Variants in SCMH1 observed in about 807,000 individuals in gnomAD.
SCMH1 encodes Scm polycomb group protein homolog 1, also known as polycomb protein SCMH1.
Under a neutral mutation model 70.8 loss-of-function variants are expected in SCMH1, and 37 were observed. The ratio of observed to expected loss-of-function variants is 0.52; its 90% CI spans 0.40 to 0.69. The LOEUF (loss-of-function observed/expected upper bound fraction) is 0.69, where lower values mean the gene tolerates loss of function less well. Ranked by LOEUF, SCMH1 falls within the 30% of genes least tolerant of loss-of-function variation. The pLI is 0.00. For synonymous variants in SCMH1, 292 were observed against 307.4 expected (o/e 0.95, Z 0.52); for missense variants, 607 against 827.3 (o/e 0.73, Z 3.27).
chr1:41,068,025 G>A (rs983081203), intron 10 of SCMH1, among the ~76,000 whole-genome samples: 3 of 152,176 alleles, frequency 2.0e-5, no homozygotes, highest in Non-Finnish European at 2.9e-5. Context: ...TGATAAACAA[G>A]ATGCAAATCT....
chr1:41,121,188 ACACTGCCTGG>A (rs3835473), intron 6 of SCMH1, among the ~76,000 whole-genome samples: 11,861 of 152,262 alleles, frequency 0.078, 588 homozygotes, highest in South Asian at 0.13. Context: ...AGGACTTAAA[ACACTGCCTGG>A]CATACAGGCA....
At chr1:41,169,896 AC>A (rs1378044250) in intron 2 of SCMH1, among the ~76,000 whole-genome samples, 11 of 151,094 alleles carry the variant, frequency 7.3e-5, no homozygotes, top group Admixed American at 2.0e-4. Flanking sequence ...TAGGATGTAG[AC>A]CCTCGGTGGA....
At chr1:41,186,152 C>A in exon 2 of SCMH1, 1 of 1,425,924 alleles carries the variant, frequency 7.0e-7, no homozygotes, top group Non-Finnish European at 9.7e-7. Flanking sequence ...GACTAAAAAC[C>A]GGTCTAGGGG....
intron 1 of SCMH1, among the ~76,000 whole-genome samples, chr1:41,200,172 C>T (rs915680939): frequency 6.6e-5 from 10 of 152,068 alleles, no homozygotes; most frequent in Non-Finnish European, 2.9e-5. Flanking sequence ...GGAAACCTCA[C>T]AATTCTATAA....
chr1:41,182,754 A>G (rs536115533), intron 2 of SCMH1, among the ~76,000 whole-genome samples: 5 of 152,174 alleles, frequency 3.3e-5, no homozygotes, highest in African/African-American at 9.6e-5. Flanking sequence ...TGAAAAAGGA[A>G]CTTCTAGGAA....
At chr1:41,154,002 C>G (rs998509890) in intron 4 of SCMH1, among the ~76,000 whole-genome samples, 4 of 152,204 alleles carry the variant, frequency 2.6e-5, no homozygotes, top group African/African-American at 9.7e-5. Context: ...CATAGCTACT[C>G]AGCTCCACCA....
intron 1 of SCMH1, among the ~76,000 whole-genome samples, chr1:41,210,649 A>G (rs929590112): frequency 1.1e-4 from 17 of 152,202 alleles, no homozygotes; most frequent in African/African-American, 3.9e-4. Flanking sequence ...GAAACTGGCT[A>G]GCCATATGCA....
intron 6 of SCMH1, among the ~76,000 whole-genome samples, chr1:41,122,278 CA>C (rs1386934425): frequency 1.3e-5 from 2 of 152,124 alleles, no homozygotes; most frequent in African/African-American, 4.8e-5. Flanking sequence ...TTTCTGTTCT[CA>C]AATATACCAA....
intron 9 of SCMH1, among the ~76,000 whole-genome samples, chr1:41,074,890 T>G (rs954427661): frequency 1.3e-5 from 2 of 152,014 alleles, no homozygotes; most frequent in African/African-American, 2.4e-5. Flanking sequence ...TGAGACGGAG[T>G]CTCGCTCTGT....
chr1:41,101,027 G>C (rs1488339842), intron 8 of SCMH1, among the ~76,000 whole-genome samples: 1 of 149,744 alleles, frequency 6.7e-6, no homozygotes, highest in African/African-American at 2.5e-5. Flanking sequence ...GGGAGGCGGG[G>C]AGAAAAAAAA....
At position 41,128,598 on chromosome 1, in the gene SCMH1, G is replaced by A. The variant is rs115678941; in HGVS notation, c.413-11588C>T. Among the ~76,000 whole-genome samples the A allele has an allele frequency of 4.3e-3, 653 of 151,858 alleles. 4 individuals carry two copies. The highest frequency in any genetic ancestry group is 4.6e-3 in the Non-Finnish European group (313 of 67,940). Reference sequence around the variant, plus strand: ...TCTTAAGACTTTTCTCTTTATCGTGGGTTTTCAGCAATTTGATGATGATGT... The same window carrying A: ...TCTTAAGACTTTTCTCTTTATCGTGAGTTTTCAGCAATTTGATGATGATGT... On this transcript the variant is annotated intron_variant, in intron 6 of 14. Transcript: ENST00000337495.
intron 1 of SCMH1, among the ~76,000 whole-genome samples, chr1:41,224,465 T>C (rs780561050): frequency 1.3e-5 from 2 of 152,192 alleles, no homozygotes; most frequent in Admixed American, 6.5e-5. Flanking sequence ...TAGTAAATAA[T>C]CTCCAATTAC....
At chr1:41,033,306 A>G (rs2148527180) in intron 13 of SCMH1, among the ~76,000 whole-genome samples, 1 of 152,146 alleles carries the variant, frequency 6.6e-6, no homozygotes, top group East Asian at 1.9e-4. Context: ...AAAGGAGGCC[A>G]TTATGATAAG....
intron 2 of SCMH1, among the ~76,000 whole-genome samples, chr1:41,165,191 C>T (rs1646332494): frequency 6.6e-6 from 1 of 152,086 alleles, no homozygotes; most frequent in Non-Finnish European, 1.5e-5. Flanking sequence ...TAGGTTCATC[C>T]ACGTTGTCAA....
intron 8 of SCMH1, among the ~76,000 whole-genome samples, chr1:41,092,205 T>C (rs1419471567): frequency 6.6e-6 from 1 of 152,184 alleles, no homozygotes; most frequent in African/African-American, 2.4e-5. Context: ...ATAGAGCCCT[T>C]GGAAGTAATA....
At chr1:41,044,379 A>G (rs988538191) in intron 12 of SCMH1, among the ~76,000 whole-genome samples, 5 of 152,160 alleles carry the variant, frequency 3.3e-5, no homozygotes, top group Admixed American at 6.5e-5. Context: ...TAGGTAAGTA[A>G]TCAGAAAAAC....
chr1:41,152,465 G>A (rs1645151475), intron 4 of SCMH1: 5 of 927,294 alleles, frequency 5.4e-6, no homozygotes, highest in Non-Finnish European at 8.2e-6. Flanking sequence ...CAATCTTCAA[G>A]GTGACACTGT....
intron 13 of SCMH1, 115 bp from the exon 15 acceptor site, chr1:41,028,841 G>A (rs1240578470): frequency 1.4e-5 from 16 of 1,121,332 alleles, no homozygotes; most frequent in East Asian, 1.0e-4. Context: ...AGTGCCAGAC[G>A]ATGAGCTGAG....
exon 15 of SCMH1, chr1:41,028,028 A>T: frequency 1.3e-6 from 1 of 758,952 alleles, no homozygotes; most frequent in East Asian, 2.6e-5. Context: ...TCATGGAAGG[A>T]CTTATCATGG....
Sources: gnomAD v4.1 joint callset for allele counts (sites outside exome capture counted in the v4.1 genomes callset) on GRCh38, gnomAD v4.1.1 for gene constraint, MANE v1.5 for transcripts, NCBI Gene and HGNC (gene_info 2026-07-23, HGNC 2026-07-21) for gene names.